The following ZFAT variants were observed in gnomAD, a reference collection of about 807,000 sequenced individuals.
ZFAT encodes the protein zinc finger protein ZFAT.
In ZFAT, 64 loss-of-function variants were observed where a neutral mutation model predicts 117.7. The ratio of observed to expected loss-of-function variants is 0.54; its 90% CI spans 0.44 to 0.67. The LOEUF (loss-of-function observed/expected upper bound fraction) is 0.67. Ranked by LOEUF, ZFAT falls within the 30% of genes least tolerant of loss-of-function variation. The pLI is 0.00. For missense variants in ZFAT, 1,433 were observed against 1,584.5 expected (o/e 0.90, Z 1.62); for synonymous variants, 679 against 615.0 (o/e 1.10, Z -1.54).
chr8:134,620,532 G>C (rs1554604446), intron 3 of ZFAT, among the ~76,000 whole-genome samples: 1 of 152,230 alleles, frequency 6.6e-6, no homozygotes, highest in Non-Finnish European at 1.5e-5. Context: ...TCTGTGCTAT[G>C]AAGAGGCAAT....
chr8:134,729,177 C>T, the ZFAT span, among the ~76,000 whole-genome samples: 10 of 152,292 alleles, frequency 6.6e-5, no homozygotes, highest in South Asian at 1.7e-3. Flanking sequence ...TCACCATGCC[C>T]GACCAGGATG....
rs180881285 is a variant in ZFAT, at chr8:134,477,913, G to A, written c.*569C>T. The A allele has an allele frequency of 1.7e-3, 268 of 153,838 alleles. No homozygotes were observed. Among genetic ancestry groups the A allele is most frequent in the Middle Eastern group, 6.8e-3 (2 of 294 alleles). The allele number at this position is 153,838 out of a possible 1,614,324, so 9.5% of individuals were successfully genotyped here. ...ATGGTAGGGCGAGACCCTGTGATGG[G>A]TGAATTTACCTCACTTGATACCAAG... is the stretch of plus-strand genomic sequence containing the variant. On this transcript the variant is annotated 3_prime_UTR_variant, in exon 16 of 16. Transcript: ENST00000377838.
In ZFAT at chr8:134,602,816, G is replaced by A. The variant is rs1408626239; in HGVS notation, c.903C>T (p.Cys301=). The change falls in exon 6 of 16, where the codon TGC becomes TGT. Residue 301 remains cysteine (C), a synonymous_variant. Transcript: ENST00000377838. The part of the protein sequence containing the change: ...RIHTNEKPYK[C]PQCSYASAIK... ...TGGCACTGGCATAGCTGCACTGGGG[G>A]CACTTGTATGGCTTTTCATTGGTGT... 2.5e-6 allele frequency: 4 copies of A among 1,614,052 alleles called. No homozygotes were observed. In the African/African-American group the frequency reaches 5.3e-5, roughly 22 times the overall value.
chr8:134,572,783 A>C (rs974339590), intron 10 of ZFAT, among the ~76,000 whole-genome samples: 4 of 149,570 alleles, frequency 2.7e-5, no homozygotes. Context: ...AGCTGACTGC[A>C]AGAATATTGC....
intron 11 of ZFAT, among the ~76,000 whole-genome samples, chr8:134,542,376 G>A (rs1284398192): frequency 3.3e-5 from 5 of 152,166 alleles, no homozygotes; most frequent in Non-Finnish European, 1.5e-5. Context: ...TGTCACAGAG[G>A]TTTGGTGTAC....
the ZFAT span, among the ~76,000 whole-genome samples, chr8:134,826,765 T>C: frequency 9.2e-5 from 14 of 152,320 alleles, no homozygotes; most frequent in Admixed American, 2.0e-4. Flanking sequence ...TTTGTGAAAA[T>C]TGCAATAACC....
At chr8:134,817,436 C>CACACACA in the ZFAT span, among the ~76,000 whole-genome samples, 2,713 of 126,856 alleles carry the variant, frequency 0.021, 36 homozygotes, top group Non-Finnish European at 0.028. Flanking sequence ...CACACACACA[C>CACACACA]AACGCACCCT....
chr8:134,654,767 A>G (rs1207882086), intron 2 of ZFAT, among the ~76,000 whole-genome samples: 1 of 152,200 alleles, frequency 6.6e-6, no homozygotes, highest in East Asian at 1.9e-4. Flanking sequence ...CTGGACACAC[A>G]CGGAAGGGGC....
chr8:134,817,664 C>A, the ZFAT span, among the ~76,000 whole-genome samples: 1 of 151,978 alleles, frequency 6.6e-6, no homozygotes. Context: ...CCAATCAAAA[C>A]GTCAAGCAAG....
chr8:134,792,837 GC>G, the ZFAT span: 1 of 152,052 alleles, frequency 6.6e-6, no homozygotes, highest in African/African-American at 2.4e-5. Context: ...CCATTATGTT[GC>G]TTTTACACAA....
chr8:134,735,839 T>C, the ZFAT span, among the ~76,000 whole-genome samples: 3 of 152,190 alleles, frequency 2.0e-5, no homozygotes, highest in Admixed American at 2.0e-4. Flanking sequence ...TAAAATATAT[T>C]TTTCACTAAT....
intron 1 of ZFAT, among the ~76,000 whole-genome samples, chr8:134,697,690 G>A (rs1833905198): frequency 6.6e-6 from 1 of 150,514 alleles, no homozygotes; most frequent in Non-Finnish European, 1.5e-5. Context: ...TCGCGCCACT[G>A]CACTCCAGCC....
At chr8:134,754,198 A>G in the ZFAT span, among the ~76,000 whole-genome samples, 15 of 152,368 alleles carry the variant, frequency 9.8e-5, 1 homozygote, top group South Asian at 3.1e-3. Context: ...GATGAGAAAC[A>G]GAGTCCTTGT....
At chr8:134,534,477 C>T (rs1821669717) in intron 11 of ZFAT, among the ~76,000 whole-genome samples, 1 of 152,164 alleles carries the variant, frequency 6.6e-6, no homozygotes, top group Non-Finnish European at 1.5e-5. Context: ...AAGCTTAGAT[C>T]AGCTCCTCTT....
chr8:134,693,162 C>A (rs1348481287), intron 1 of ZFAT, among the ~76,000 whole-genome samples: 2 of 152,132 alleles, frequency 1.3e-5, no homozygotes, highest in African/African-American at 4.8e-5. Flanking sequence ...CCCAGATCTC[C>A]GTTTCTAAAT....
At chr8:134,629,870 G>A (rs759680167) in intron 3 of ZFAT, among the ~76,000 whole-genome samples, 5 of 152,232 alleles carry the variant, frequency 3.3e-5, no homozygotes, top group African/African-American at 9.6e-5. Flanking sequence ...ACTGTGGAGA[G>A]AAGAAATGAC....
chr8:134,825,795 C>T, the ZFAT span, among the ~76,000 whole-genome samples: 2 of 152,058 alleles, frequency 1.3e-5, no homozygotes, highest in African/African-American at 2.4e-5. Flanking sequence ...ACGAGGCGGG[C>T]GGATCACGAG....
chr8:134,602,520 C>T lies in ZFAT; in HGVS notation c.1199G>A (p.Arg400Gln). 6 of 1,613,962 alleles carry T rather than the reference C, an allele frequency of 3.7e-6. No homozygotes were observed. Among genetic ancestry groups the T allele is most frequent in the Non-Finnish European group, 4.2e-6 (5 of 1,180,028 alleles). ...GATGTGGCAGTCATAGAGCAGCTGC[C>T]GCTTGCCCTCCCTCGTCATCAGGCA... ...ELCLMTREGK[R>Q]QLLYDCHICE... Residue 400 changes from arginine to glutamine, a missense_variant, in exon 6 of 16, where the codon CGG becomes CAG. Arg to Gln is a conservative substitution (Grantham distance 43). Coordinates refer to ENST00000377838, the MANE Select transcript of ZFAT (RefSeq NM_020863.4).
chr8:134,490,756 T>A (rs1817994138), intron 15 of ZFAT, among the ~76,000 whole-genome samples: 1 of 152,226 alleles, frequency 6.6e-6, no homozygotes, highest in African/African-American at 2.4e-5. Context: ...TACCCCTCCC[T>A]GCATTCCTAA....
Sources: gnomAD v4.1 joint callset for allele counts (sites outside exome capture counted in the v4.1 genomes callset) on GRCh38, gnomAD v4.1.1 for gene constraint, MANE v1.5 for transcripts, NCBI Gene and HGNC (gene_info 2026-07-23, HGNC 2026-07-21) for gene names.